The following TRHDE variants were observed in gnomAD, a reference collection of about 807,000 sequenced individuals.
TRHDE encodes thyrotropin releasing hormone degrading enzyme, also known as thyrotropin-releasing hormone-degrading ectoenzyme.
A neutral mutation model predicts 125.7 loss-of-function variants in TRHDE; 72 were observed. The ratio of observed to expected loss-of-function variants is 0.57; its 90% CI spans 0.47 to 0.70. TRHDE has a LOEUF of 0.70. Ranked by LOEUF, TRHDE falls within the 30% of genes least tolerant of loss-of-function variation. The probability of loss-of-function intolerance (pLI) is 0.00; values close to 1 mark genes in which losing one functional copy is unlikely to be tolerated. For synonymous variants in TRHDE, 509 were observed against 509.1 expected, an observed-to-expected ratio of 1.00 and a Z score of 0.00; for missense variants, 1,110 against 1,327.1, an observed-to-expected ratio of 0.84 and a Z score of 2.54.
chr12:72,361,072 A>G (rs1251068054), intron 2 of TRHDE, among the ~76,000 whole-genome samples: 3 of 151,854 alleles, frequency 2.0e-5, no homozygotes, highest in African/African-American at 7.2e-5. Context: ...AAGTGAGAAC[A>G]TGTGGTGTCT....
chr12:72,333,246 A>G lies in TRHDE; in HGVS notation c.1189-44749A>G, dbSNP rs139264337. ...TTAAATGATGGAGAAACTAATACAG[A>G]TTAAATCAGAAAATATAGATTGTCT... On this transcript the variant is annotated intron_variant, in intron 2 of 18. Coordinates refer to ENST00000261180, the MANE Select transcript of TRHDE (RefSeq NM_013381.3). Among the ~76,000 whole-genome samples, 7 of 152,332 alleles carry G rather than the reference A, an allele frequency of 4.6e-5. No homozygotes were observed. The East Asian group carries it at 1.3e-3, about 29-fold the overall frequency.
intron 3 of TRHDE, among the ~76,000 whole-genome samples, chr12:72,410,929 A>C (rs1183265712): frequency 6.6e-6 from 1 of 151,990 alleles, no homozygotes; most frequent in African/African-American, 2.4e-5. Context: ...CCGGTGGCTC[A>C]CGCCTGTAAT....
chr12:72,425,794 GTTT>G (rs1874157657), intron 3 of TRHDE, among the ~76,000 whole-genome samples: 1 of 151,794 alleles, frequency 6.6e-6, no homozygotes. Context: ...TTACTATTTG[GTTT>G]TTACTATGGA....
intron 5 of TRHDE, among the ~76,000 whole-genome samples, chr12:72,476,483 C>G (rs1876898407): frequency 6.6e-6 from 1 of 152,108 alleles, no homozygotes; most frequent in South Asian, 2.1e-4. Context: ...CTCAAAAGGA[C>G]AAGAGTAATG....
At chr12:72,184,368 A>G (rs1445514164) in intron 2 of TRHDE, among the ~76,000 whole-genome samples, 3 of 151,796 alleles carry the variant, frequency 2.0e-5, no homozygotes, top group East Asian at 3.9e-4. Flanking sequence ...AGAAGTTACT[A>G]CTCTGTATCT....
chr12:72,309,265 G>C (rs1054219851), intron 2 of TRHDE, among the ~76,000 whole-genome samples: 2 of 152,212 alleles, frequency 1.3e-5, no homozygotes, highest in Non-Finnish European at 2.9e-5. Context: ...GAGAGAGAGA[G>C]ATCGTCTACT....
intron 2 of TRHDE, chr12:72,303,381 T>G (rs1868291426): frequency 6.6e-6 from 1 of 152,150 alleles, no homozygotes. Context: ...TTGTTCAGTT[T>G]GCAGTTTCCA....
chr12:72,224,311 G>A (rs1457683020), intron 2 of TRHDE, among the ~76,000 whole-genome samples: 1 of 151,816 alleles, frequency 6.6e-6, no homozygotes, highest in Non-Finnish European at 1.5e-5. Flanking sequence ...ATTACAAGCC[G>A]CTAAAAATCT....
chr12:72,273,293 C>G lies in TRHDE; in HGVS notation c.650C>G (p.Ala217Gly). ...TFSGEVNVEI[A>G]CRNATRYVVL... ...TCCGGGGAGGTCAACGTGGAGATCG[C>G]GTGCCGGAACGCCACCCGCTACGTA... The change falls in exon 1 of 19, where the codon GCG (alanine) becomes GGG (glycine). Residue 217 changes from alanine to glycine, a missense_variant. Coordinates refer to ENST00000261180, the MANE Select transcript of TRHDE (RefSeq NM_013381.3). This position sits in a 1 kb window ranked among gnomAD's most constrained non-coding sequence, Gnocchi z 5.3. 2 of 1,614,062 alleles carry G rather than the reference C, an allele frequency of 1.2e-6. No individual in the cohort carries two copies. The highest frequency in any genetic ancestry group is 1.3e-5 in the African/African-American group (1 of 75,036).
intron 2 of TRHDE, among the ~76,000 whole-genome samples, chr12:72,252,657 T>TTTTC (rs1878710863): frequency 6.6e-6 from 1 of 152,140 alleles, no homozygotes; most frequent in Non-Finnish European, 1.5e-5. Context: ...TAGAATAGGC[T>TTTTC]AGCCAATGCC....
intron 6 of TRHDE, among the ~76,000 whole-genome samples, chr12:72,512,632 AT>A (rs1484226932): frequency 7.0e-6 from 1 of 142,852 alleles, no homozygotes; most frequent in East Asian, 2.0e-4. Flanking sequence ...TATATATCAT[AT>A]TATCATATAT....
intron 2 of TRHDE, among the ~76,000 whole-genome samples, chr12:72,131,938 T>A (rs1287657466): frequency 6.6e-6 from 1 of 152,196 alleles, no homozygotes; most frequent in Non-Finnish European, 1.5e-5. Flanking sequence ...GGTCATCCTC[T>A]CACTGGGAAT....
intron 2 of TRHDE, among the ~76,000 whole-genome samples, chr12:72,265,423 C>G (rs144083026): frequency 1.3e-4 from 19 of 151,698 alleles, no homozygotes; most frequent in African/African-American, 4.3e-4. Context: ...TTGGTGTAGC[C>G]TTGGTGTGTA....
At chr12:72,647,418 A>C (rs1874325264) in intron 15 of TRHDE, among the ~76,000 whole-genome samples, 1 of 152,066 alleles carries the variant, frequency 6.6e-6, no homozygotes, top group Non-Finnish European at 1.5e-5. Flanking sequence ...AAAAAGAAGA[A>C]CAAACTATCC....
intron 4 of TRHDE, among the ~76,000 whole-genome samples, chr12:72,472,264 G>T (rs1876684929): frequency 6.6e-6 from 1 of 152,020 alleles, no homozygotes; most frequent in Non-Finnish European, 1.5e-5. Context: ...TTTCTTCACT[G>T]AATCTCGTCT....
chr12:72,657,569 A>ACAAT (rs1874755097), intron 18 of TRHDE, among the ~76,000 whole-genome samples: 2 of 152,202 alleles, frequency 1.3e-5, no homozygotes, highest in Admixed American at 1.3e-4. Flanking sequence ...ACTGCTTGGT[A>ACAAT]CAATCACAAG....
intron 1 of TRHDE, among the ~76,000 whole-genome samples, chr12:72,275,825 A>G (rs562644725): frequency 1.3e-4 from 20 of 152,306 alleles, no homozygotes; most frequent in Non-Finnish European, 2.5e-4. Context: ...CCAAAGAAGT[A>G]AACAACTTGG....
At chr12:72,093,331 C>T (rs77528260) in intron 1 of TRHDE, among the ~76,000 whole-genome samples, 1 of 152,122 alleles carries the variant, frequency 6.6e-6, no homozygotes, top group African/African-American at 2.4e-5. Context: ...TGCTTTGAGT[C>T]CTTTGAGTGT....
chr12:72,383,963 A>C (rs989178168), intron 3 of TRHDE, among the ~76,000 whole-genome samples: 3 of 152,104 alleles, frequency 2.0e-5, no homozygotes, highest in African/African-American at 7.2e-5. Flanking sequence ...TATTTTTGTT[A>C]ATTTTTTACT....
Sources: gnomAD v4.1 joint callset for allele counts (sites outside exome capture counted in the v4.1 genomes callset) on GRCh38, gnomAD v4.1.1 for gene constraint, Gnocchi (gnomAD v3.1) non-coding constraint, MANE v1.5 for transcripts, NCBI Gene and HGNC (gene_info 2026-07-23, HGNC 2026-07-21) for gene names.